Variants in RBPJ observed in about 807,000 individuals in gnomAD.
The protein encoded by RBPJ is recombination signal binding protein for immunoglobulin kappa J region, also known as recombining binding protein suppressor of hairless.
RBPJ carries 9 observed loss-of-function variants against 67.8 expected under a neutral mutation model. The observed-to-expected ratio is 0.13, with a 90% CI of 0.08 to 0.23. The LOEUF (loss-of-function observed/expected upper bound fraction) is 0.23. Among genes scored for constraint, RBPJ ranks in the 10% least tolerant of loss-of-function variants. The pLI is 1.00. For missense variants in RBPJ, 305 were observed against 595.6 expected (o/e 0.51, Z 5.08); for synonymous variants, 198 against 203.3 (o/e 0.97, Z 0.22).
At chr4:26,188,303 T>A (rs145208437) in intron 1 of RBPJ, among the ~76,000 whole-genome samples, 198 of 152,334 alleles carry the variant, frequency 1.3e-3, no homozygotes, top group African/African-American at 4.4e-3. Flanking sequence ...GAACTCTTTT[T>A]AATAAAAGGA....
intron 2 of RBPJ, among the ~76,000 whole-genome samples, chr4:26,386,722 T>A (rs187544448): frequency 6.6e-6 from 1 of 152,302 alleles, no homozygotes; most frequent in East Asian, 1.9e-4. Flanking sequence ...GCAGGTAAGA[T>A]TTGAAAGTAA....
intron 1 of RBPJ, among the ~76,000 whole-genome samples, chr4:26,328,797 C>T (rs1193971680): frequency 1.3e-5 from 2 of 152,072 alleles, no homozygotes; most frequent in Non-Finnish European, 2.9e-5. Flanking sequence ...CCCAGGTGTG[C>T]GCCAGCAACC....
chr4:26,408,175 G>A (rs1416807948), intron 3 of RBPJ, among the ~76,000 whole-genome samples: 5 of 151,988 alleles, frequency 3.3e-5, no homozygotes, highest in Admixed American at 3.3e-4. Context: ...GGCCAAGAAG[G>A]TAAAGCTATT....
At chr4:26,134,713 G>A in the RBPJ span, among the ~76,000 whole-genome samples, 2 of 152,142 alleles carry the variant, frequency 1.3e-5, no homozygotes, top group African/African-American at 4.8e-5. Flanking sequence ...GAGGAGCTTA[G>A]CTCCTTCAAC....
At chr4:26,109,444 C>A in the RBPJ span, among the ~76,000 whole-genome samples, 15 of 28,430 alleles carry the variant, frequency 5.3e-4, no homozygotes, top group African/African-American at 1.8e-3. Flanking sequence ...CTCTCTCTCT[C>A]TCTCTCTCTC....
the RBPJ span, among the ~76,000 whole-genome samples, chr4:26,109,658 C>CTA: frequency 1.1e-5 from 1 of 88,804 alleles, no homozygotes; most frequent in East Asian, 2.7e-4. Context: ...CTCTCTCTCT[C>CTA]TCTCTCTCTC....
chr4:26,324,695 A>G (rs577181075), intron 1 of RBPJ, among the ~76,000 whole-genome samples: 214 of 152,032 alleles, frequency 1.4e-3, no homozygotes, highest in Middle Eastern at 3.4e-3. Context: ...ATACCTGGCT[A>G]ATTTTGTATT....
rs1241253099 is a variant in RBPJ, at chr4:26,433,197, G to A, written c.*2190G>A. 1 of 152,076 alleles carries A rather than the reference G, an allele frequency of 6.6e-6. No homozygotes were observed. The highest frequency in any genetic ancestry group is 1.5e-5 in the Non-Finnish European group (1 of 68,012). The allele number at this position is 152,076 out of a possible 1,614,324, so 9.4% of individuals were successfully genotyped here. A position where few individuals can be genotyped will look rare whatever the true frequency, so the allele number is the denominator to read the frequency against. On this transcript the variant is annotated 3_prime_UTR_variant, in exon 11 of 11. Coordinates refer to ENST00000355476, the MANE Select transcript of RBPJ (RefSeq NM_015874.6). The stretch of plus-strand genomic sequence containing the variant: ...GTGATCAAGGGCAGAACTCATTGTG[G>A]CCTTATCTTTCTTTGTTGTAATTGT...
In RBPJ at chr4:26,399,836, G is replaced by A. The variant is rs1037221264; in HGVS notation, c.60-6339G>A. 1.1e-4 allele frequency among the ~76,000 whole-genome samples: 17 copies of A among 151,986 alleles called. 1 individual carries two copies. Among genetic ancestry groups the A allele is most frequent in the African/African-American group, 4.1e-4 (17 of 41,394 alleles). On this transcript the variant is annotated intron_variant, in intron 2 of 10. Coordinates refer to ENST00000355476, the MANE Select transcript of RBPJ (RefSeq NM_015874.6). Reference sequence around the variant, plus strand: ...TGAGACTATAGGCGCGTGCCACCATGCCTGGCTAGTTTTTGTATTTTTTGT... The same window carrying A: ...TGAGACTATAGGCGCGTGCCACCATACCTGGCTAGTTTTTGTATTTTTTGT...
intron 1 of RBPJ, among the ~76,000 whole-genome samples, chr4:26,180,789 A>G (rs1210025993): frequency 6.6e-6 from 1 of 152,240 alleles, no homozygotes; most frequent in East Asian, 1.9e-4. Flanking sequence ...TGTTTATACT[A>G]TTAATAGTTA....
chr4:26,130,985 T>C, the RBPJ span, among the ~76,000 whole-genome samples: 6 of 152,248 alleles, frequency 3.9e-5, no homozygotes, highest in African/African-American at 1.4e-4. Context: ...CACGATGGCT[T>C]GGGATCTTCT....
At chr4:26,176,277 A>C (rs1269895467) in intron 1 of RBPJ, among the ~76,000 whole-genome samples, 1 of 152,196 alleles carries the variant, frequency 6.6e-6, no homozygotes, top group Non-Finnish European at 1.5e-5. Context: ...GGCAGGGAAG[A>C]TGGGTCTTAT....
chr4:26,244,445 GTATA>G lies in RBPJ; in HGVS notation c.-167+80832_-167+80835del, dbSNP rs367765710. On this transcript the variant is annotated intron_variant, in intron 1 of 4. Coordinates refer to the RBPJ transcript ENST00000512351. ...TGTGTATATATGTATACATATGTGT[GTATA>G]CATATATGTGTGTATATATGTATAC... is the stretch of plus-strand genomic sequence containing the variant. Among the ~76,000 whole-genome samples, 2 of 9,834 alleles carry G rather than the reference GTATA, an allele frequency of 2.0e-4. 1 individual carries two copies. Among genetic ancestry groups the G allele is most frequent in the African/African-American group, 7.5e-4 (2 of 2,658 alleles). The allele number at this position is 9,834 out of a possible 152,430, so 6.5% of individuals were successfully genotyped here.
rs60415068 is a variant in RBPJ, at chr4:26,360,765, A to AT, written c.21-25578dup. ...ACCAGCTAATGTTTGGGTTTTTTTT[A>AT]TTTTTTTTTTCTTTTGGTATTTTTA... On this transcript the variant is annotated intron_variant, in intron 1 of 10. Transcript: ENST00000355476. Among the ~76,000 whole-genome samples, 97 of 143,926 alleles carry AT rather than the reference A, an allele frequency of 6.7e-4. No individual in the cohort carries two copies. The East Asian group carries it at 0.011, about 16-fold the overall frequency. 94.4% of individuals were successfully genotyped at this position (143,926 alleles called of 152,430 possible).
At chr4:26,107,959 T>C in the RBPJ span, among the ~76,000 whole-genome samples, 2 of 152,190 alleles carry the variant, frequency 1.3e-5, no homozygotes, top group Non-Finnish European at 2.9e-5. Flanking sequence ...CTTCATCGTG[T>C]AATGTGTCAA....
chr4:26,363,789 A>G (rs948023170), intron 1 of RBPJ, among the ~76,000 whole-genome samples: 1 of 152,212 alleles, frequency 6.6e-6, no homozygotes, highest in African/African-American at 2.4e-5. Flanking sequence ...TTATTTAACA[A>G]TGTATGTATG....
chr4:26,425,210 A>G (rs1735516610), intron 7 of RBPJ, among the ~76,000 whole-genome samples: 1 of 152,202 alleles, frequency 6.6e-6, no homozygotes, highest in Non-Finnish European at 1.5e-5. Flanking sequence ...TCACAAGAAG[A>G]TAGATTTATT....
chr4:26,365,645 C>T (rs979766301), intron 1 of RBPJ, among the ~76,000 whole-genome samples: 2 of 152,066 alleles, frequency 1.3e-5, no homozygotes, highest in African/African-American at 4.8e-5. Flanking sequence ...TGTATGTTTC[C>T]CTTAGTCATA....
In RBPJ at chr4:26,207,582, A is replaced by G. The variant is rs184093510; in HGVS notation, c.-167+43968A>G. On this transcript the variant is annotated intron_variant, in intron 1 of 4. Coordinates refer to the RBPJ transcript ENST00000512351. ...GGATAAAGATGAGCATTTGTTCTGG[A>G]CACAGACGTGTGTTGAGCTCCTATC... Among the ~76,000 whole-genome samples, 592 of 152,276 alleles carry G rather than the reference A, an allele frequency of 3.9e-3. 1 individual carries two copies. The highest frequency in any genetic ancestry group is 0.01 in the Middle Eastern group (3 of 294).
Sources: allele counts gnomAD v4.1 joint callset (sites outside exome capture counted in the v4.1 genomes callset), GRCh38; gene constraint gnomAD v4.1.1; transcripts MANE v1.5; gene names NCBI Gene and HGNC (gene_info 2026-07-23, HGNC 2026-07-21).